Variants in AGAP1 observed in about 807,000 individuals in gnomAD.
The protein encoded by AGAP1 is arf-GAP with GTPase, ANK repeat and PH domain-containing protein 1.
Under a neutral mutation model 105.3 loss-of-function variants are expected in AGAP1, and 29 were observed. The ratio of observed to expected loss-of-function variants is 0.28; its 90% CI spans 0.21 to 0.38. The LOEUF (loss-of-function observed/expected upper bound fraction) is 0.38, where lower values mean the gene tolerates loss of function less well. Among genes scored for constraint, AGAP1 ranks in the 10% least tolerant of loss-of-function variants. AGAP1 has a pLI of 1.00. For missense variants in AGAP1, 998 were observed against 1,165.1 expected (o/e 0.86, Z 2.09); for synonymous variants, 509 against 485.9 (o/e 1.05, Z -0.63).
intron 7 of AGAP1, among the ~76,000 whole-genome samples, chr2:235,798,557 G>A (rs1405338132): frequency 6.6e-6 from 1 of 152,098 alleles, no homozygotes; most frequent in Non-Finnish European, 1.5e-5. Flanking sequence ...GGCATGTATT[G>A]TCAGAGCCTG....
At chr2:235,702,394 C>T (rs527963351) in intron 1 of AGAP1, among the ~76,000 whole-genome samples, 1 of 152,188 alleles carries the variant, frequency 6.6e-6, no homozygotes, top group Non-Finnish European at 1.5e-5. Flanking sequence ...GTGGAGGCAC[C>T]GCTGGACAGG....
chr2:235,666,066 A>T (rs886183949), intron 1 of AGAP1, among the ~76,000 whole-genome samples: 4 of 152,188 alleles, frequency 2.6e-5, no homozygotes, highest in African/African-American at 4.8e-5. Flanking sequence ...GCTGAGGGTG[A>T]TGAATGGGGG....
rs937389545 is a variant in AGAP1, at chr2:235,979,834, A to G, written c.1645+11211A>G. Among the ~76,000 whole-genome samples, 4 of 152,228 alleles carry G rather than the reference A, an allele frequency of 2.6e-5. No individual in the cohort carries two copies. Among genetic ancestry groups the G allele is most frequent in the Non-Finnish European group, 4.4e-5 (3 of 68,046 alleles). On this transcript the variant is annotated intron_variant, in intron 13 of 17. Coordinates refer to ENST00000304032, the MANE Select transcript of AGAP1 (RefSeq NM_001037131.3). This position sits in a 1 kb window ranked among gnomAD's most constrained non-coding sequence, Gnocchi z 4.5. ...TTTTTTAAGTGGAAAAAAGCAAAGG[A>G]AAAATGTTTTAGTTTTCTCTTAAGC...
At chr2:235,545,083 T>G (rs558627423) in intron 1 of AGAP1, among the ~76,000 whole-genome samples, 1 of 152,350 alleles carries the variant, frequency 6.6e-6, no homozygotes, top group South Asian at 2.1e-4. Context: ...TTCTTGCTAC[T>G]TTGTTGTTTA....
Position 235,751,079 on chromosome 2 carries a change from C to G in AGAP1, c.673+591C>G, listed in dbSNP as rs1335950243. On this transcript the variant is annotated intron_variant, in intron 6 of 17. Transcript: ENST00000304032. This position sits in a 1 kb window ranked among gnomAD's most constrained non-coding sequence, Gnocchi z 5.3. ...ACAGCCACAAATCAGACAGAAAATT[C>G]TCCTAGGAGAGCATGAGGTTCTGCA... Among the ~76,000 whole-genome samples, 1 of 152,124 alleles carries G rather than the reference C, an allele frequency of 6.6e-6. No individual in the cohort carries two copies. The highest frequency in any genetic ancestry group is 1.5e-5 in the Non-Finnish European group (1 of 68,030).
intron 16 of AGAP1, among the ~76,000 whole-genome samples, chr2:236,107,216 G>A (rs2059520161): frequency 6.6e-6 from 1 of 152,126 alleles, no homozygotes; most frequent in Admixed American, 6.5e-5. Context: ...CTGGGAGAGG[G>A]TGGCTGCCCA....
At position 235,891,216 on chromosome 2, in the gene AGAP1, C is replaced by G. The variant is rs75693860; in HGVS notation, c.1155+7767C>G. ...CGCCCTAACAGCTCCTTTATCTCCA[C>G]TTCGCATTTTGCAATGATAACCCTA... On this transcript the variant is annotated intron_variant, in intron 10 of 17. Coordinates refer to ENST00000304032, the MANE Select transcript of AGAP1 (RefSeq NM_001037131.3). This position sits in a 1 kb window ranked among gnomAD's most constrained non-coding sequence, Gnocchi z 4.2. Among the ~76,000 whole-genome samples, 2,671 of 152,268 alleles carry G rather than the reference C, an allele frequency of 0.018. 34 individuals carry two copies. Among genetic ancestry groups the G allele is most frequent in the Non-Finnish European group, 0.025 (1,668 of 68,018 alleles).
intron 9 of AGAP1, among the ~76,000 whole-genome samples, chr2:235,826,892 G>A (rs1959100715): frequency 1.3e-5 from 2 of 152,150 alleles, no homozygotes; most frequent in African/African-American, 2.4e-5. Context: ...AGCCTCCAAA[G>A]CAATGATTTC....
intron 6 of AGAP1, among the ~76,000 whole-genome samples, chr2:235,773,102 T>C (rs1013662798): frequency 6.6e-6 from 1 of 152,140 alleles, no homozygotes; most frequent in African/African-American, 2.4e-5. Context: ...AAAGCAGAGA[T>C]TTATTGAAAA....
At chr2:235,796,702 C>T (rs1430663075) in intron 6 of AGAP1, among the ~76,000 whole-genome samples, 1 of 151,844 alleles carries the variant, frequency 6.6e-6, no homozygotes, top group Non-Finnish European at 1.5e-5. Flanking sequence ...CTATATGGGC[C>T]CCGTCTACGT....
At chr2:235,859,991 T>A (rs926322531) in intron 9 of AGAP1, among the ~76,000 whole-genome samples, 3 of 152,214 alleles carry the variant, frequency 2.0e-5, no homozygotes, top group African/African-American at 7.2e-5. Context: ...CCCCATGGGT[T>A]ACCTTCCCCT....
At chr2:235,704,528 C>A (rs1950425540) in intron 1 of AGAP1, among the ~76,000 whole-genome samples, 1 of 152,168 alleles carries the variant, frequency 6.6e-6, no homozygotes. Flanking sequence ...CGCCTGTAGT[C>A]CCAGCTACTC....
At chr2:235,760,676 C>G (rs777113052) in intron 6 of AGAP1, among the ~76,000 whole-genome samples, 4 of 152,210 alleles carry the variant, frequency 2.6e-5, no homozygotes, top group Non-Finnish European at 4.4e-5. Flanking sequence ...GTTTCAGACT[C>G]TTGGGCTCAA....
chr2:235,823,255 A>C (rs1958897785), intron 9 of AGAP1, among the ~76,000 whole-genome samples: 1 of 152,202 alleles, frequency 6.6e-6, no homozygotes, highest in South Asian at 2.1e-4. Flanking sequence ...AATTCTATAG[A>C]TTAACCCTAA....
In AGAP1 at chr2:235,994,651, C is replaced by T. The variant is rs149752355; in HGVS notation, c.1645+26028C>T. On this transcript the variant is annotated intron_variant, in intron 13 of 17. Coordinates refer to ENST00000304032, the MANE Select transcript of AGAP1 (RefSeq NM_001037131.3). This position sits in a 1 kb window ranked among gnomAD's most constrained non-coding sequence, Gnocchi z 4.4. ...GCCTCGCAGCCCGATGATACAGAGA[C>T]GGGGCAGCAGTGGAGAGCTCGGCTC... 2.5e-3 allele frequency among the ~76,000 whole-genome samples: 377 copies of T among 152,148 alleles called. 4 individuals carry two copies. Among genetic ancestry groups the T allele is most frequent in the Non-Finnish European group, 4.7e-3 (320 of 68,004 alleles).
At chr2:235,922,942 C>CT (rs910091911) in intron 11 of AGAP1, among the ~76,000 whole-genome samples, 8 of 152,182 alleles carry the variant, frequency 5.3e-5, no homozygotes, top group Admixed American at 4.6e-4. Context: ...GAATCTGGCG[C>CT]TTTTGACACA....
intron 9 of AGAP1, among the ~76,000 whole-genome samples, chr2:235,860,802 G>A (rs933247009): frequency 6.6e-6 from 1 of 152,206 alleles, no homozygotes; most frequent in Non-Finnish European, 1.5e-5. Context: ...CATGCCAAAT[G>A]ATGGTTCAAT....
chr2:235,767,378 G>A (rs1367472279), intron 6 of AGAP1, among the ~76,000 whole-genome samples: 3 of 152,200 alleles, frequency 2.0e-5, no homozygotes, highest in Non-Finnish European at 2.9e-5. Context: ...CTTCTCGTGC[G>A]CACCAGCGAG....
Position 235,600,091 on chromosome 2 carries a change from G to A in AGAP1, c.163+105242G>A, listed in dbSNP as rs11680217. On this transcript the variant is annotated intron_variant, in intron 1 of 17. Transcript: ENST00000304032. The surrounding 1 kb of genome is among the most constrained non-coding windows in gnomAD (Gnocchi z 4.8). ...CCAGGGAGCCCCTCTCTCCATCCCA[G>A]CCTTTCTTCCTCTCTCGTAACTGTT... is the stretch of plus-strand genomic sequence containing the variant. Among the ~76,000 whole-genome samples, 22,260 of 152,112 alleles carry A rather than the reference G, an allele frequency of 0.15. 1,909 individuals are homozygous for A. The highest frequency in any genetic ancestry group is 0.29 in the South Asian group (1,385 of 4,812).
Sources: allele counts gnomAD v4.1 joint callset (sites outside exome capture counted in the v4.1 genomes callset), GRCh38; gene constraint gnomAD v4.1.1; non-coding constraint Gnocchi (gnomAD v3.1); transcripts MANE v1.5; gene names NCBI Gene and HGNC (gene_info 2026-07-23, HGNC 2026-07-21).